Variants in DDX27 observed in about 807,000 individuals in gnomAD.
The protein encoded by DDX27 is DEAD-box helicase 27.
Under a neutral mutation model 99.3 loss-of-function variants are expected in DDX27, and 42 were observed. That is an observed-to-expected ratio of 0.42 (90% confidence interval 0.33 to 0.55). DDX27 has a LOEUF of 0.55. Ranked by LOEUF, DDX27 falls within the 20% of genes least tolerant of loss-of-function variation. DDX27 has a pLI of 0.07. For synonymous variants in DDX27, 329 were observed against 353.8 expected, an observed-to-expected ratio of 0.93 and a Z score of 0.79; for missense variants, 798 against 976.8, an observed-to-expected ratio of 0.82 and a Z score of 2.44.
In DDX27 at chr20:49,242,175, A is replaced by G; in HGVS notation, c.2085A>G (p.Ala695=). ...KRNRRAKRAR[A]MPEEEPVRGP... ...ATCGCAGAGCCAAGCGGGCCCGAGC[A>G]ATGCCCGAGGAGGAGCCAGTGAGAG... The change falls in exon 18 of 21, where the codon GCA becomes GCG. Residue 695 remains alanine (A), a synonymous_variant. Transcript: ENST00000618172. 6.2e-7 allele frequency: 1 copy of G among 1,614,158 alleles called. No individual in the cohort carries two copies. Among genetic ancestry groups the G allele is most frequent in the South Asian group, 1.1e-5 (1 of 91,090 alleles).
intron 1 of DDX27, among the ~76,000 whole-genome samples, chr20:49,219,789 T>C (rs967561072): frequency 1.3e-5 from 2 of 152,158 alleles, no homozygotes; most frequent in African/African-American, 2.4e-5. Flanking sequence ...TGAACTGATA[T>C]TTAACCACGC....
chr20:49,219,629 C>T, intron 1 of DDX27, 88 bp downstream of exon 1: 1 of 1,342,442 alleles, frequency 7.4e-7, no homozygotes, highest in South Asian at 1.5e-5. Context: ...TCCTCATCAT[C>T]CCCTGCCAGC....
chr20:49,230,175 G>A (rs752801278), intron 8 of DDX27, 24 bp from the exon 9 acceptor site: 19 of 1,598,190 alleles, frequency 1.2e-5, no homozygotes, highest in Non-Finnish European at 1.6e-5. Flanking sequence ...CTGGCCGCCT[G>A]GTGGGGCTCT....
intron 15 of DDX27, 56 bp downstream of exon 15, chr20:49,239,111 C>T (rs1396028634): frequency 2.0e-6 from 3 of 1,535,664 alleles, no homozygotes; most frequent in Non-Finnish European, 2.7e-6. Flanking sequence ...CAAGCTGCTG[C>T]ATCCCTGCTG....
chr20:49,240,723 G>A (rs1033601715), intron 16 of DDX27, among the ~76,000 whole-genome samples: 7 of 151,974 alleles, frequency 4.6e-5, no homozygotes, highest in Middle Eastern at 3.2e-3. Flanking sequence ...CACTGCACTC[G>A]GCCCCCTTTT....
Position 49,233,360 on chromosome 20 carries a change from C to T in DDX27, c.1086C>T (p.Ser362=), listed in dbSNP as rs1429586028. 6.2e-7 allele frequency: 1 copy of T among 1,614,048 alleles called. No homozygotes were observed. Among genetic ancestry groups the T allele is most frequent in the Non-Finnish European group, 8.5e-7 (1 of 1,180,014 alleles). Residue 362 remains serine (S), a synonymous_variant, in exon 10 of 21, where the codon TCC becomes TCT. Transcript: ENST00000618172. ...EQMKEIIRMC[S]HHRQTMLFSA... ...TGAAGGAGATCATCCGAATGTGTTC[C>T]CACCACCGCCAGACCATGCTCTTCT...
chr20:49,233,229 C>T (rs767075031), intron 9 of DDX27, 77 bp from the exon 10 acceptor site: 32 of 982,950 alleles, frequency 3.3e-5, no homozygotes, highest in Middle Eastern at 4.1e-4. Flanking sequence ...AAACAGCAGC[C>T]GGTATGCAAT....
At chr20:49,233,523 A>G (rs1229630495) in intron 10 of DDX27, 45 bp from the exon 11 acceptor site, 4 of 1,603,592 alleles carry the variant, frequency 2.5e-6, no homozygotes, top group South Asian at 1.1e-5. Flanking sequence ...CTCCTTCCCT[A>G]CCACCTTGCA....
At chr20:49,238,803 T>C (rs1360585394) in intron 14 of DDX27, 146 bp from the exon 15 acceptor site, 1 of 414,750 alleles carries the variant, frequency 2.4e-6, no homozygotes, top group Non-Finnish European at 4.2e-6. Flanking sequence ...AGAGACAGAG[T>C]CTGGCCACGT....
At position 49,236,112 on chromosome 20, in the gene DDX27, G is replaced by A. The variant is rs201927654; in HGVS notation, c.1428-38G>A. ...GCTCTTGTGGAGCATTATTAGGGGA[G>A]GGTGTCTGGATGAACAGCTGTTTGT... On this transcript the variant is annotated intron_variant, in intron 12 of 20. Transcript: ENST00000618172. This position sits in a 1 kb window ranked among gnomAD's most constrained non-coding sequence, Gnocchi z 4.1. 290 of 1,567,536 alleles carry A rather than the reference G, an allele frequency of 1.9e-4. 1 individual carries two copies. The African/African-American group carries it at 3.6e-3, about 20-fold the overall frequency.
chr20:49,229,650 C>CTTTT lies in DDX27; in HGVS notation c.881-536_881-533dup, dbSNP rs71186442. On this transcript the variant is annotated intron_variant, in intron 8 of 20. Coordinates refer to ENST00000618172, the MANE Select transcript of DDX27 (RefSeq NM_017895.8). ...AGTCCTTGAATGTTTCAGGCATTCT[C>CTTTT]TTTTTTTTTTTTTTTTGAGAGGAAG... Among the ~76,000 whole-genome samples, 240 of 134,318 alleles carry CTTTT rather than the reference C, an allele frequency of 1.8e-3. 5 individuals are homozygous for CTTTT. The highest frequency in any genetic ancestry group is 3.9e-3 in the Middle Eastern group (1 of 254). The allele number at this position is 134,318 out of a possible 152,430, so 88.1% of individuals were successfully genotyped here. A position where few individuals can be genotyped will look rare whatever the true frequency, so the allele number is the denominator to read the frequency against.
Position 49,243,625 on chromosome 20 carries a change from A to T in DDX27, c.2205-4A>T. ...TCATTTCAGCATGTCATCTTCTCTC[A>T]CAGCCCTTCCTTTGAAGAAAGGAAA... On this transcript the variant is annotated splice_region_variant and splice_polypyrimidine_tract_variant and intron_variant, in intron 19 of 20. Transcript: ENST00000618172. 1.2e-6 allele frequency: 2 copies of T among 1,614,092 alleles called. No homozygotes were observed. Among genetic ancestry groups the T allele is most frequent in the Non-Finnish European group, 1.7e-6 (2 of 1,179,950 alleles).
rs1315802781 is a variant in DDX27 at position 49,225,404 on chromosome 20, C to A, written c.600+205C>A. ...CCACCCCTAACTGGACTTTCTGCTT[C>A]TCTCTTTGCCTCCCTCAACTCTTGT... is the stretch of plus-strand genomic sequence containing the variant. On this transcript the variant is annotated intron_variant, in intron 6 of 20. Coordinates refer to ENST00000618172, the MANE Select transcript of DDX27 (RefSeq NM_017895.8). 4.6e-5 allele frequency among the ~76,000 whole-genome samples: 7 copies of A among 151,068 alleles called. No individual in the cohort carries two copies. The East Asian group carries it at 1.2e-3, about 25-fold the overall frequency.
At position 49,240,668 on chromosome 20, in the gene DDX27, C is replaced by A. The variant is rs193090286; in HGVS notation, c.1898-1225C>A. On this transcript the variant is annotated intron_variant, in intron 16 of 20. Coordinates refer to ENST00000618172, the MANE Select transcript of DDX27 (RefSeq NM_017895.8). ...GGTCTCGATCTCCTGACCTCGTGAT[C>A]CGCCTGCCTTGGCCTCCCAAAGTGC... Among the ~76,000 whole-genome samples, 21 of 152,134 alleles carry A rather than the reference C, an allele frequency of 1.4e-4. No individual in the cohort carries two copies. In the East Asian group the frequency reaches 3.5e-3, roughly 25 times the overall value.
rs1980210088 is a variant in DDX27 at position 49,233,773 on chromosome 20, A to G, written c.1273+64A>G. On this transcript the variant is annotated intron_variant, in intron 11 of 20. Transcript: ENST00000618172. ...CAGCTTCCTTGAGCTCGTAGTATCC[A>G]TGCTGAAGTGCTTGGTTTCCCCTGC... 5.7e-6 allele frequency: 9 copies of G among 1,567,534 alleles called. No individual in the cohort carries two copies. The East Asian group carries it at 1.6e-4, about 28-fold the overall frequency.
In DDX27 at chr20:49,219,448, C is replaced by T. The variant is rs1403189059; in HGVS notation, c.-1C>T. ...CTTCCGGAAGTGGCTTCTGCGACAA[C>T]ATGCTTGCGGACCTCGGCTTAATCG... On this transcript the variant is annotated 5_prime_UTR_variant, in exon 1 of 21. Transcript: ENST00000618172. The T allele has an allele frequency of 1.1e-5, 18 of 1,614,048 alleles. No individual in the cohort carries two copies. The highest frequency in any genetic ancestry group is 1.4e-5 in the Non-Finnish European group (17 of 1,180,024).
At position 49,243,893 on chromosome 20, in the gene DDX27, T is replaced by G; in HGVS notation, c.*59T>G. ...CCTTAAATCCCTTCCCTGTGGGAAG[T>G]CATCCTGGCTGGTCTGTCTTTTCTC... On this transcript the variant is annotated 3_prime_UTR_variant, in exon 21 of 21. Coordinates refer to ENST00000618172, the MANE Select transcript of DDX27 (RefSeq NM_017895.8). 6.3e-7 allele frequency: 1 copy of G among 1,590,788 alleles called. No homozygotes were observed. The highest frequency in any genetic ancestry group is 8.6e-7 in the Non-Finnish European group (1 of 1,160,890).
In DDX27 at chr20:49,239,292, C is replaced by T. The variant is rs199676448; in HGVS notation, c.1851C>T (p.Pro617=). ...EKGKEAVVQE[P]ERSWFQTKEE... ...GGAAGGAGGCAGTGGTCCAAGAGCCCGAGAGGAGCTGGTTCCAGACCAAAG... is the reference window on the plus strand; with the variant it reads ...GGAAGGAGGCAGTGGTCCAAGAGCCTGAGAGGAGCTGGTTCCAGACCAAAG... The change falls in exon 16 of 21, where the codon CCC becomes CCT. Residue 617 remains proline (P), a synonymous_variant. Transcript: ENST00000618172. 8 of 1,613,772 alleles carry T rather than the reference C, an allele frequency of 5.0e-6. No individual in the cohort carries two copies. The East Asian group carries it at 6.7e-5, about 13-fold the overall frequency.
At chr20:49,226,763 A>G (rs934811494) in intron 7 of DDX27, among the ~76,000 whole-genome samples, 4 of 151,664 alleles carry the variant, frequency 2.6e-5, no homozygotes, top group Non-Finnish European at 4.4e-5. Context: ...TGGCCTCCCA[A>G]AGTTCTGGGA....
Sources: gnomAD v4.1 joint callset for allele counts (sites outside exome capture counted in the v4.1 genomes callset) on GRCh38, gnomAD v4.1.1 for gene constraint, Gnocchi (gnomAD v3.1) non-coding constraint, MANE v1.5 for transcripts, NCBI Gene and HGNC (gene_info 2026-07-23, HGNC 2026-07-21) for gene names.